The following MGAT4C variants were observed in gnomAD, a reference collection of about 807,000 sequenced individuals.
MGAT4C encodes the protein MGAT4 family member C.
Under a neutral mutation model 40.1 loss-of-function variants are expected in MGAT4C, and 19 were observed. The ratio of observed to expected loss-of-function variants is 0.47; its 90% confidence interval spans 0.33 to 0.70. The LOEUF is 0.70. Ranked by LOEUF, MGAT4C falls within the 30% of genes least tolerant of loss-of-function variation. MGAT4C has a pLI of 0.02. For missense variants in MGAT4C, 491 were observed against 563.2 expected (o/e 0.87, Z 1.30); for synonymous variants, 181 against 187.1 (o/e 0.97, Z 0.27).
chr12:86,088,158 C>T (rs1030150701), intron 1 of MGAT4C, among the ~76,000 whole-genome samples: 1 of 152,028 alleles, frequency 6.6e-6, no homozygotes, highest in Non-Finnish European at 1.5e-5. Flanking sequence ...GCTGGGATAA[C>T]TGGCTAGCCA....
intron 2 of MGAT4C, among the ~76,000 whole-genome samples, chr12:86,689,147 T>A (rs1299982601): frequency 6.6e-6 from 1 of 152,234 alleles, no homozygotes; most frequent in Non-Finnish European, 1.5e-5. Flanking sequence ...TGTTGATACC[T>A]GTGTATACTT....
rs550984916 is a variant in MGAT4C, at chr12:86,590,301, G to A, written c.-229+136908C>T. Among the ~76,000 whole-genome samples the A allele has an allele frequency of 6.6e-5, 10 of 151,918 alleles. No individual in the cohort carries two copies. In the South Asian group the frequency reaches 1.9e-3, roughly 28 times the overall value. Reference sequence around the variant, plus strand: ...TTTCCCTGAACCACACAATTATTAGGCATGAGACTTAGTTTTCATACCTAA... The same window carrying A: ...TTTCCCTGAACCACACAATTATTAGACATGAGACTTAGTTTTCATACCTAA... On this transcript the variant is annotated intron_variant, in intron 2 of 7. Coordinates refer to the MGAT4C transcript ENST00000548651.
chr12:86,461,907 G>A (rs1957607469), intron 2 of MGAT4C, among the ~76,000 whole-genome samples: 1 of 152,162 alleles, frequency 6.6e-6, no homozygotes, highest in Non-Finnish European at 1.5e-5. Flanking sequence ...TCAGAGATTA[G>A]CAGGCTTTCT....
At chr12:86,740,707 A>G (rs1951056559) in intron 1 of MGAT4C, among the ~76,000 whole-genome samples, 1 of 151,182 alleles carries the variant, frequency 6.6e-6, no homozygotes, top group African/African-American at 2.4e-5. Flanking sequence ...CCTTCAATAG[A>G]GCAATTCTTG....
At chr12:86,273,240 T>C (rs145728563) in intron 4 of MGAT4C, among the ~76,000 whole-genome samples, 65 of 152,324 alleles carry the variant, frequency 4.3e-4, no homozygotes, top group African/African-American at 1.5e-3. Flanking sequence ...ACCAGCTGTG[T>C]GATCTTGGGC....
At chr12:86,330,280 T>G (rs1045488949) in intron 4 of MGAT4C, among the ~76,000 whole-genome samples, 3 of 152,194 alleles carry the variant, frequency 2.0e-5, no homozygotes, top group African/African-American at 7.2e-5. Context: ...ACGTATCATT[T>G]TTATCAAATT....
chr12:86,206,787 C>T (rs1950272304), intron 1 of MGAT4C, among the ~76,000 whole-genome samples: 1 of 152,110 alleles, frequency 6.6e-6, no homozygotes, highest in South Asian at 2.1e-4. Context: ...TTTTCAGTTT[C>T]ATATCGGCAT....
chr12:86,722,472 A>T (rs914484448), intron 2 of MGAT4C, among the ~76,000 whole-genome samples: 3 of 152,156 alleles, frequency 2.0e-5, no homozygotes, highest in African/African-American at 4.8e-5. Context: ...CACATTATAA[A>T]ATATATATAT....
At chr12:86,713,978 T>C (rs902252984) in intron 2 of MGAT4C, among the ~76,000 whole-genome samples, 1 of 152,192 alleles carries the variant, frequency 6.6e-6, no homozygotes, top group Non-Finnish European at 1.5e-5. Flanking sequence ...TTGCACATAG[T>C]ATGTTTTATT....
In MGAT4C at chr12:86,466,054, T is replaced by C. The variant is rs113262829; in HGVS notation, c.-228-30789A>G. 3.4e-3 allele frequency among the ~76,000 whole-genome samples: 515 copies of C among 151,754 alleles called. 4 individuals carry two copies. Among genetic ancestry groups the C allele is most frequent in the African/African-American group, 0.012 (499 of 41,384 alleles). The stretch of plus-strand genomic sequence containing the variant: ...TGAAATCCCGTCTCTACTAAAAATA[T>C]AAAAATCAGCCAGGCGTGGTGGCAG... On this transcript the variant is annotated intron_variant, in intron 2 of 7. Transcript: ENST00000548651.
At chr12:86,712,793 G>A (rs1221234624) in intron 2 of MGAT4C, among the ~76,000 whole-genome samples, 2 of 151,996 alleles carry the variant, frequency 1.3e-5, no homozygotes, top group Admixed American at 6.6e-5. Context: ...GGTAGCTGCC[G>A]ATTGTAGACA....
At chr12:86,833,975 G>T (rs962651131) in intron 1 of MGAT4C, among the ~76,000 whole-genome samples, 1 of 151,558 alleles carries the variant, frequency 6.6e-6, no homozygotes, top group Admixed American at 6.6e-5. Context: ...TGTCCTCCAG[G>T]TTCACCCATA....
intron 3 of MGAT4C, among the ~76,000 whole-genome samples, chr12:86,356,966 C>A (rs1955328759): frequency 6.6e-6 from 1 of 152,274 alleles, no homozygotes; most frequent in East Asian, 1.9e-4. Context: ...CAGCTCTGAA[C>A]AGAGTAGTGG....
At chr12:85,982,798 G>C (rs1884759410) in intron 4 of MGAT4C, among the ~76,000 whole-genome samples, 1 of 152,128 alleles carries the variant, frequency 6.6e-6, no homozygotes, top group African/African-American at 2.4e-5. Context: ...ATCTTGAGCT[G>C]CAATAATTCT....
intron 3 of MGAT4C, among the ~76,000 whole-genome samples, chr12:86,383,549 CA>C (rs1159593477): frequency 9.7e-3 from 485 of 49,826 alleles, no homozygotes; most frequent in African/African-American, 0.046. Flanking sequence ...CACTTCGTCT[CA>C]AAAAAAAAAA....
At chr12:86,633,230 T>C (rs1963118338) in intron 2 of MGAT4C, among the ~76,000 whole-genome samples, 2 of 152,214 alleles carry the variant, frequency 1.3e-5, no homozygotes, top group South Asian at 4.1e-4. Flanking sequence ...ATTTCCATTC[T>C]AATCTATATT....
intron 4 of MGAT4C, among the ~76,000 whole-genome samples, chr12:86,312,824 GCCCATCAA>G (rs1375444973): frequency 1.3e-5 from 2 of 152,124 alleles, no homozygotes; most frequent in Non-Finnish European, 2.9e-5. Flanking sequence ...GTCTGCATTG[GCCCATCAA>G]CTGTCATTGT....
intron 2 of MGAT4C, among the ~76,000 whole-genome samples, chr12:86,443,832 G>C (rs1957282928): frequency 6.6e-6 from 1 of 152,082 alleles, no homozygotes; most frequent in South Asian, 2.1e-4. Flanking sequence ...CTGACCTCGT[G>C]ATGCGCCCGC....
At chr12:86,770,338 C>CA (rs1951608718) in intron 1 of MGAT4C, among the ~76,000 whole-genome samples, 1 of 151,862 alleles carries the variant, frequency 6.6e-6, no homozygotes, top group Admixed American at 6.6e-5. Context: ...TTATATTAAT[C>CA]TTTTTATTTC....
Sources: gnomAD v4.1 joint callset for allele counts (sites outside exome capture counted in the v4.1 genomes callset) on GRCh38, gnomAD v4.1.1 for gene constraint, MANE v1.5 for transcripts, NCBI Gene and HGNC (gene_info 2026-07-23, HGNC 2026-07-21) for gene names.